ART4: variants seen among roughly 807,000 people sequenced by gnomAD.
ART4 encodes the protein ecto-ADP-ribosyltransferase 4.
In ART4, 14 loss-of-function variants were observed where a neutral mutation model predicts 24.2. The ratio of observed to expected loss-of-function variants is 0.58; its 90% CI spans 0.38 to 0.90. The LOEUF is 0.90. Among genes scored for constraint, ART4 ranks in the 40% least tolerant of loss-of-function variants. The pLI, the probability that ART4 is intolerant of heterozygous loss-of-function variation, is 0.00. For missense variants in ART4, 356 were observed against 366.6 expected (o/e 0.97, Z 0.24); for synonymous variants, 145 against 139.9 (o/e 1.04, Z -0.26).
intron 2 of ART4, 148 bp downstream of exon 2, chr12:14,840,297 G>C (rs1319899091): frequency 1.6e-6 from 1 of 636,822 alleles, no homozygotes; most frequent in East Asian, 2.9e-5. Flanking sequence ...AAATAAAGTG[G>C]ATTTTCTCTA....
intron 2 of ART4, among the ~76,000 whole-genome samples, chr12:14,835,106 C>G (rs1033298160): frequency 6.6e-6 from 1 of 152,272 alleles, no homozygotes. Context: ...TGAGAGGGAA[C>G]AGGAGAGAAA....
chr12:14,838,723 A>G (rs952317797), intron 2 of ART4, among the ~76,000 whole-genome samples: 4 of 152,142 alleles, frequency 2.6e-5, no homozygotes, highest in African/African-American at 9.7e-5. Context: ...TGTGGATGCC[A>G]GTTTGAACAC....
At chr12:14,831,736 C>G (rs768627994) in intron 2 of ART4, among the ~76,000 whole-genome samples, 4 of 151,994 alleles carry the variant, frequency 2.6e-5, no homozygotes, top group Non-Finnish European at 4.4e-5. Context: ...TCCTGGGTCA[C>G]TCGGAATTCT....
chr12:14,832,105 G>C (rs1399444249), intron 2 of ART4, among the ~76,000 whole-genome samples: 1 of 152,070 alleles, frequency 6.6e-6, no homozygotes, highest in African/African-American at 2.4e-5. Context: ...CTACTGGGCT[G>C]CTAGGTCAGT....
At chr12:14,837,767 G>T (rs1379643583) in intron 2 of ART4, among the ~76,000 whole-genome samples, 1 of 152,036 alleles carries the variant, frequency 6.6e-6, no homozygotes, top group African/African-American at 2.4e-5. Context: ...CACCCACCTC[G>T]GCCTCCCAAA....
At position 14,828,133 on chromosome 12, in the gene ART4, A is replaced by C. The variant is rs991428059; in HGVS notation, c.*1238T>G. ...GACATTTCCAGCTATACAATTCAAC[A>C]ATTTATACTTCTTTGCATGTACTAG... On this transcript the variant is annotated 3_prime_UTR_variant, in exon 3 of 3. Transcript: ENST00000228936. 1.3e-5 allele frequency: 2 copies of C among 152,156 alleles called. No homozygotes were observed. The highest frequency in any genetic ancestry group is 2.9e-5 in the Non-Finnish European group (2 of 68,042). The allele number at this position is 152,156 out of a possible 1,614,324, so 9.4% of individuals were successfully genotyped here. A position where few individuals can be genotyped will look rare whatever the true frequency, so the allele number is the denominator to read the frequency against.
rs180893113 is a variant in ART4 at position 14,843,338 on chromosome 12, C to T, written c.-225G>A. ...GAAATCTCTGTGAAATAGCCAGATG[C>T]GCACACCAAATAAGGGTTTCTAAAG... is the stretch of plus-strand genomic sequence containing the variant. On this transcript the variant is annotated 5_prime_UTR_variant, in exon 1 of 3. Transcript: ENST00000228936. The T allele has an allele frequency of 6.6e-5, 32 of 484,448 alleles. No individual in the cohort carries two copies. In the East Asian group the frequency reaches 9.1e-4, roughly 14 times the overall value. The allele number at this position is 484,448 out of a possible 1,614,324, so 30.0% of individuals were successfully genotyped here. A position where few individuals can be genotyped will look rare whatever the true frequency, so the allele number is the denominator to read the frequency against.
rs573772260 is a variant in ART4, at chr12:14,829,585, T to C, written c.854-123A>G. On this transcript the variant is annotated intron_variant, in intron 2 of 2. Coordinates refer to ENST00000228936, the MANE Select transcript of ART4 (RefSeq NM_021071.4). ...CCTAATAAAAACATTTGAAGTTAGC[T>C]ACTTAAAACACATTATTTTAGATTT... is the stretch of plus-strand genomic sequence containing the variant. 5 of 642,630 alleles carry C rather than the reference T, an allele frequency of 7.8e-6. No homozygotes were observed. The East Asian group carries it at 1.6e-4, about 21-fold the overall frequency. The allele number at this position is 642,630 out of a possible 1,614,324, so 39.8% of individuals were successfully genotyped here.
Position 14,843,057 on chromosome 12 carries a change from A to G in ART4, c.57T>C (p.Pro19=), listed in dbSNP as rs144579115. 28 of 1,614,088 alleles carry G rather than the reference A, an allele frequency of 1.7e-5. No individual in the cohort carries two copies. The African/African-American group carries it at 3.5e-4, about 20-fold the overall frequency. The change falls in exon 1 of 3, where the codon CCT becomes CCC. Residue 19 remains proline (P), a synonymous_variant. Transcript: ENST00000228936. ...CAAGGAGCCAGATTCTCATCGTTGC[A>G]GGAGGTACAGTAGTTGGGAGAAGAA... is the stretch of plus-strand genomic sequence containing the variant. ...KKILLPTTVP[P]ATMRIWLLGG... is the part of the protein sequence containing the mutation.
chr12:14,832,585 A>C (rs1464437076), intron 2 of ART4, among the ~76,000 whole-genome samples: 1 of 152,170 alleles, frequency 6.6e-6, no homozygotes, highest in African/African-American at 2.4e-5. Flanking sequence ...GTAAATCCCC[A>C]AGGGCAGGGA....
intron 2 of ART4, among the ~76,000 whole-genome samples, chr12:14,833,673 T>C (rs1457007838): frequency 1.3e-5 from 2 of 152,142 alleles, no homozygotes; most frequent in African/African-American, 4.8e-5. Flanking sequence ...CTGGAAGAAA[T>C]ACATAATGAT....
At chr12:14,839,658 G>T (rs1468531871) in intron 2 of ART4, among the ~76,000 whole-genome samples, 2 of 152,186 alleles carry the variant, frequency 1.3e-5, no homozygotes, top group Non-Finnish European at 2.9e-5. Context: ...TATTAGGAAA[G>T]GTCCAATCAA....
chr12:14,829,272 A>T lies in ART4; in HGVS notation c.*99T>A. On this transcript the variant is annotated 3_prime_UTR_variant, in exon 3 of 3. Coordinates refer to ENST00000228936, the MANE Select transcript of ART4 (RefSeq NM_021071.4). ...GTTTCAGCAGAAGTATGATGGGATC[A>T]TCCTTCCTGGAAAATAAATGTCCAT... The T allele has an allele frequency of 1.2e-6, 1 of 822,104 alleles. No homozygotes were observed. Among genetic ancestry groups the T allele is most frequent in the Non-Finnish European group, 1.8e-6 (1 of 550,172 alleles). The allele number at this position is 822,104 out of a possible 1,614,324, so 50.9% of individuals were successfully genotyped here. A position where few individuals can be genotyped will look rare whatever the true frequency, so the allele number is the denominator to read the frequency against.
In ART4 at chr12:14,825,837, C is replaced by T. The variant is rs1406476176; in HGVS notation, c.*3534G>A. 1 of 152,036 alleles carries T rather than the reference C, an allele frequency of 6.6e-6. No individual in the cohort carries two copies. Among genetic ancestry groups the T allele is most frequent in the East Asian group, 1.9e-4 (1 of 5,190 alleles). The allele number at this position is 152,036 out of a possible 1,614,324, so 9.4% of individuals were successfully genotyped here. A position where few individuals can be genotyped will look rare whatever the true frequency, so the allele number is the denominator to read the frequency against. On this transcript the variant is annotated 3_prime_UTR_variant, in exon 3 of 3. Coordinates refer to ENST00000228936, the MANE Select transcript of ART4 (RefSeq NM_021071.4). ...AATCTAATAGGCGTATTAAAGAGAACACCTTGTTATAAAAATAAAGTATTA... is the reference window on the plus strand; with the variant it reads ...AATCTAATAGGCGTATTAAAGAGAATACCTTGTTATAAAAATAAAGTATTA...
intron 2 of ART4, among the ~76,000 whole-genome samples, chr12:14,832,338 A>G (rs1266161618): frequency 6.6e-6 from 1 of 151,960 alleles, no homozygotes; most frequent in African/African-American, 2.4e-5. Context: ...TCTTCCTGGA[A>G]TGCTCTTTCC....
At position 14,828,366 on chromosome 12, in the gene ART4, T is replaced by C. The variant is rs1391034531; in HGVS notation, c.*1005A>G. 6 of 152,224 alleles carry C rather than the reference T, an allele frequency of 3.9e-5. No homozygotes were observed. Among genetic ancestry groups the C allele is most frequent in the Admixed American group, 1.3e-4 (2 of 15,278 alleles). 9.4% of individuals were successfully genotyped at this position (152,224 alleles called of 1,614,324 possible). The stretch of plus-strand genomic sequence containing the variant: ...TTTTGTAATGTCTTAGGAACATGCA[T>C]GAACACCCATTACTGCTGGTGAATG... On this transcript the variant is annotated 3_prime_UTR_variant, in exon 3 of 3. Transcript: ENST00000228936.
rs112526853 is a variant in ART4 at position 14,827,444 on chromosome 12, C to T, written c.*1927G>A. 9.6e-3 allele frequency: 1,470 copies of T among 152,466 alleles called. 21 individuals carry two copies. Among genetic ancestry groups the T allele is most frequent in the African/African-American group, 0.027 (1,117 of 41,488 alleles). 9.4% of individuals were successfully genotyped at this position (152,466 alleles called of 1,614,324 possible). A position where few individuals can be genotyped will look rare whatever the true frequency, so the allele number is the denominator to read the frequency against. On this transcript the variant is annotated 3_prime_UTR_variant, in exon 3 of 3. Transcript: ENST00000228936. ...TGAGATCGAGTCTCACTCTGTTGCC[C>T]AGGCTGGAGTGCAGTGGTGTGAACT...
Position 14,829,479 on chromosome 12 carries a change from A to G in ART4, c.854-17T>C. 1 of 1,587,648 alleles carries G rather than the reference A, an allele frequency of 6.3e-7. No homozygotes were observed. Among genetic ancestry groups the G allele is most frequent in the Non-Finnish European group, 8.6e-7 (1 of 1,162,770 alleles). Reference sequence around the variant, plus strand: ...TGCTGGAAGCTGTAAAAAACAAAACAAAGGAAATATTTTAGGTAGCAGAGT... The same window carrying G: ...TGCTGGAAGCTGTAAAAAACAAAACGAAGGAAATATTTTAGGTAGCAGAGT... On this transcript the variant is annotated splice_polypyrimidine_tract_variant and intron_variant, in intron 2 of 2. Coordinates refer to ENST00000228936, the MANE Select transcript of ART4 (RefSeq NM_021071.4).
intron 1 of ART4, among the ~76,000 whole-genome samples, chr12:14,842,151 T>C (rs1863060755): frequency 6.6e-6 from 1 of 152,196 alleles, no homozygotes; most frequent in African/African-American, 2.4e-5. Flanking sequence ...CAAAATATCA[T>C]CAGACTATCA....
Sources: allele counts gnomAD v4.1 joint callset (sites outside exome capture counted in the v4.1 genomes callset), GRCh38; gene constraint gnomAD v4.1.1; transcripts MANE v1.5; gene names NCBI Gene and HGNC (gene_info 2026-07-23, HGNC 2026-07-21).